FAM117B: variants seen among roughly 807,000 people sequenced by gnomAD.
The protein encoded by FAM117B is family with sequence similarity 117 member B, also known as protein FAM117B.
In FAM117B, 22 loss-of-function variants were observed where a neutral mutation model predicts 52.8. The observed-to-expected ratio is 0.42, with a 90% CI of 0.30 to 0.59. The LOEUF is 0.59. FAM117B is among the 20% of genes least tolerant of loss of function. The pLI is 0.22. For missense variants in FAM117B, 678 were observed against 802.6 expected (o/e 0.84, Z 1.88); for synonymous variants, 309 against 324.1 (o/e 0.95, Z 0.50).
chr2:202,715,078 A>G (rs892046934), intron 2 of FAM117B, among the ~76,000 whole-genome samples: 32 of 152,082 alleles, frequency 2.1e-4, no homozygotes, highest in African/African-American at 7.5e-4. Context: ...GTGGCGGGGC[A>G]GAGGGGCTCC....
At chr2:202,718,331 T>C (rs1376079417) in intron 2 of FAM117B, among the ~76,000 whole-genome samples, 1 of 152,230 alleles carries the variant, frequency 6.6e-6, no homozygotes, top group Admixed American at 6.5e-5. Flanking sequence ...TTGAATATGG[T>C]GTTAGCTGTG....
At chr2:202,685,194 A>G (rs1291017552) in intron 1 of FAM117B, among the ~76,000 whole-genome samples, 1 of 152,076 alleles carries the variant, frequency 6.6e-6, no homozygotes, top group Non-Finnish European at 1.5e-5. Flanking sequence ...CATGTTGGCC[A>G]GGCTGGTTTT....
At chr2:202,697,965 G>T (rs1232924669) in intron 2 of FAM117B, among the ~76,000 whole-genome samples, 1 of 152,094 alleles carries the variant, frequency 6.6e-6, no homozygotes, top group Non-Finnish European at 1.5e-5. Context: ...CACCTCCCGG[G>T]TTCTAGCAAT....
At chr2:202,724,032 A>G (rs1426455080) in intron 2 of FAM117B, among the ~76,000 whole-genome samples, 2 of 143,078 alleles carry the variant, frequency 1.4e-5, no homozygotes, top group African/African-American at 2.6e-5. Flanking sequence ...TGGGTTTGGT[A>G]TAACTACTTA....
chr2:202,752,389 A>C (rs1304836046), intron 4 of FAM117B, among the ~76,000 whole-genome samples: 2 of 148,044 alleles, frequency 1.4e-5, no homozygotes, highest in Non-Finnish European at 3.0e-5. Context: ...TTTGCCAAGG[A>C]TTCTTGTTGT....
In FAM117B at chr2:202,658,088, T is replaced by G. The variant is rs562896105; in HGVS notation, c.601+22300T>G. 2.6e-5 allele frequency among the ~76,000 whole-genome samples: 4 copies of G among 152,312 alleles called. 1 individual carries two copies. The South Asian group carries it at 8.3e-4, about 32-fold the overall frequency. On this transcript the variant is annotated intron_variant, in intron 1 of 7. Coordinates refer to ENST00000392238, the MANE Select transcript of FAM117B (RefSeq NM_173511.4). ...AAAACCACATACTCAGCATTATAAT[T>G]TTTGCTTTCAACAGTCATACCTATT...
chr2:202,741,905 A>G (rs1002595333), intron 4 of FAM117B, among the ~76,000 whole-genome samples: 1 of 152,216 alleles, frequency 6.6e-6, no homozygotes, highest in Non-Finnish European at 1.5e-5. Flanking sequence ...ATATACAAAC[A>G]GCAACCAGCT....
intron 1 of FAM117B, among the ~76,000 whole-genome samples, chr2:202,681,225 A>T (rs1690458982): frequency 6.6e-6 from 1 of 152,204 alleles, no homozygotes. Flanking sequence ...CAACCAAACC[A>T]AGATTATGAA....
intron 2 of FAM117B, among the ~76,000 whole-genome samples, chr2:202,717,350 A>G (rs1010006456): frequency 6.6e-6 from 1 of 152,108 alleles, no homozygotes; most frequent in Non-Finnish European, 1.5e-5. Context: ...GCATATGCCT[A>G]TAGTCTCAGC....
At chr2:202,655,747 A>T (rs1175636122) in intron 1 of FAM117B, among the ~76,000 whole-genome samples, 263 of 133,162 alleles carry the variant, frequency 2.0e-3, no homozygotes, top group African/African-American at 9.6e-3. Context: ...AGAGAGAGAG[A>T]GAGAGAGAGA....
intron 4 of FAM117B, among the ~76,000 whole-genome samples, chr2:202,731,020 A>G (rs951012151): frequency 6.6e-6 from 1 of 152,154 alleles, no homozygotes; most frequent in East Asian, 1.9e-4. Flanking sequence ...TCTAAATTAC[A>G]TAAAGAACTC....
chr2:202,659,544 C>G (rs1310657353), intron 1 of FAM117B, among the ~76,000 whole-genome samples: 5 of 148,608 alleles, frequency 3.4e-5, no homozygotes, highest in Non-Finnish European at 5.9e-5. Context: ...GTCCTAGGCT[C>G]AAGCGATCCA....
chr2:202,746,373 A>G (rs1691633310), intron 4 of FAM117B, among the ~76,000 whole-genome samples: 1 of 152,156 alleles, frequency 6.6e-6, no homozygotes, highest in African/African-American at 2.4e-5. Context: ...TGGTCAATGA[A>G]GAAATAAAGG....
chr2:202,689,723 A>G (rs1690592632), intron 1 of FAM117B, among the ~76,000 whole-genome samples: 1 of 152,032 alleles, frequency 6.6e-6, no homozygotes, highest in Non-Finnish European at 1.5e-5. Flanking sequence ...TTTGAGACCA[A>G]CTTGGGCAAA....
At chr2:202,635,818 G>C (rs1265400425) in intron 1 of FAM117B, 30 bp downstream of exon 1, 6 of 1,403,660 alleles carry the variant, frequency 4.3e-6, no homozygotes, top group Non-Finnish European at 5.6e-6. Flanking sequence ...CAGCAAGGGG[G>C]AGGCGGCTGC....
chr2:202,635,903 C>G, intron 1 of FAM117B, 115 bp downstream of exon 1: 195 of 657,430 alleles, frequency 3.0e-4, no homozygotes, highest in Middle Eastern at 5.2e-4. Flanking sequence ...TGGCTGGGGG[C>G]GGGGCTGGGG....
intron 4 of FAM117B, among the ~76,000 whole-genome samples, chr2:202,731,664 T>C (rs184124791): frequency 1.3e-5 from 2 of 152,086 alleles, no homozygotes; most frequent in East Asian, 1.9e-4. Flanking sequence ...ACTCCTGACC[T>C]CGTGAGCCTC....
intron 1 of FAM117B, among the ~76,000 whole-genome samples, chr2:202,672,582 T>C (rs1362759591): frequency 6.6e-6 from 1 of 152,254 alleles, no homozygotes. Context: ...GCAAGTCATT[T>C]AGTTTTTCAC....
intron 4 of FAM117B, among the ~76,000 whole-genome samples, chr2:202,731,647 G>A (rs759131336): frequency 2.0e-5 from 3 of 151,650 alleles, no homozygotes; most frequent in Non-Finnish European, 4.4e-5. Context: ...GGCCAGGCTG[G>A]TCTCGTACTC....
Sources: gnomAD v4.1 joint callset for allele counts (sites outside exome capture counted in the v4.1 genomes callset) on GRCh38, gnomAD v4.1.1 for gene constraint, MANE v1.5 for transcripts, NCBI Gene and HGNC (gene_info 2026-07-23, HGNC 2026-07-21) for gene names.